The following HDAC9 variants were observed in gnomAD, a reference collection of about 807,000 sequenced individuals.
The protein encoded by HDAC9 is MEF-2 interacting transcription repressor (MITR) protein.
Under a neutral mutation model 139.4 loss-of-function variants are expected in HDAC9, and 41 were observed. The ratio of observed to expected loss-of-function variants is 0.29; its 90% CI spans 0.23 to 0.38. The LOEUF (loss-of-function observed/expected upper bound fraction) is 0.38, where lower values mean the gene tolerates loss of function less well. Among genes scored for constraint, HDAC9 ranks in the 10% least tolerant of loss-of-function variants. The probability of loss-of-function intolerance (pLI) is 1.00; values close to 1 mark genes in which losing one functional copy is unlikely to be tolerated. For missense variants in HDAC9, 1,147 were observed against 1,297.0 expected, an observed-to-expected ratio of 0.88 and a Z score of 1.78; for synonymous variants, 517 against 476.2, an observed-to-expected ratio of 1.09 and a Z score of -1.12.
intron 21 of HDAC9, among the ~76,000 whole-genome samples, chr7:18,874,002 T>A (rs879284118): frequency 0.022 from 941 of 43,124 alleles, 8 homozygotes; most frequent in African/African-American, 0.11. Flanking sequence ...TTTAAAAATG[T>A]TTTTTTTTTT....
chr7:18,815,798 A>G (rs943410688), intron 17 of HDAC9, among the ~76,000 whole-genome samples: 4 of 152,242 alleles, frequency 2.6e-5, no homozygotes, highest in Non-Finnish European at 5.9e-5. Flanking sequence ...GCTGGCTCAA[A>G]GAAACAAAAT....
intron 1 of HDAC9, among the ~76,000 whole-genome samples, chr7:18,375,655 C>G (rs891190740): frequency 6.6e-5 from 10 of 152,228 alleles, no homozygotes; most frequent in Non-Finnish European, 1.5e-4. Flanking sequence ...CCAGTGTGCT[C>G]TCATTTTTAG....
intron 2 of HDAC9, among the ~76,000 whole-genome samples, chr7:18,248,112 A>C (rs1056417934): frequency 1.1e-4 from 16 of 152,218 alleles, no homozygotes; most frequent in Non-Finnish European, 2.2e-4. Flanking sequence ...TGTATTATGT[A>C]TAACTTATTA....
chr7:18,270,905 A>T (rs1295981016), intron 2 of HDAC9, among the ~76,000 whole-genome samples: 1 of 152,142 alleles, frequency 6.6e-6, no homozygotes, highest in African/African-American at 2.4e-5. Context: ...AAGTTAACAA[A>T]ATTTTCCCTT....
intron 2 of HDAC9, among the ~76,000 whole-genome samples, chr7:18,183,157 C>T (rs1214975528): frequency 6.6e-6 from 1 of 152,026 alleles, no homozygotes; most frequent in Non-Finnish European, 1.5e-5. Flanking sequence ...CTACAGGTGC[C>T]TGCCACCACA....
chr7:18,267,305 T>A (rs1796067016), intron 2 of HDAC9, among the ~76,000 whole-genome samples: 1 of 152,184 alleles, frequency 6.6e-6, no homozygotes, highest in Non-Finnish European at 1.5e-5. Context: ...GCGAGAACAC[T>A]TAGGAATATT....
At chr7:18,715,109 G>T (rs895441982) in intron 12 of HDAC9, among the ~76,000 whole-genome samples, 15 of 151,910 alleles carry the variant, frequency 9.9e-5, no homozygotes, top group Non-Finnish European at 1.8e-4. Context: ...TTAAAGGTTT[G>T]GTTGTTGAGA....
chr7:18,807,561 G>A (rs1335632890), intron 17 of HDAC9, among the ~76,000 whole-genome samples: 4 of 151,870 alleles, frequency 2.6e-5, no homozygotes, highest in Admixed American at 2.6e-4. Flanking sequence ...GGTACTGTAG[G>A]CATTTATTGC....
At chr7:18,504,574 G>A (rs1250157255) in intron 2 of HDAC9, among the ~76,000 whole-genome samples, 1 of 152,172 alleles carries the variant, frequency 6.6e-6, no homozygotes, top group Non-Finnish European at 1.5e-5. Context: ...CAAACTGCTG[G>A]AATTATAGGC....
chr7:18,494,755 A>G (rs1024533694), upstream of HDAC9, among the ~76,000 whole-genome samples: 2 of 152,078 alleles, frequency 1.3e-5, no homozygotes, highest in African/African-American at 4.8e-5. Context: ...CGGGCAACCA[A>G]TGTATAGCTG....
chr7:18,468,187 G>A (rs1794447504), intron 1 of HDAC9, among the ~76,000 whole-genome samples: 1 of 152,062 alleles, frequency 6.6e-6, no homozygotes, highest in African/African-American at 2.4e-5. Flanking sequence ...CTCTTTAGAA[G>A]CAAGTCACTA....
At chr7:18,369,293 A>T (rs957499679) in intron 1 of HDAC9, among the ~76,000 whole-genome samples, 1 of 152,104 alleles carries the variant, frequency 6.6e-6, no homozygotes, top group Non-Finnish European at 1.5e-5. Flanking sequence ...CACTTAAAAA[A>T]TTCTTTTAGT....
chr7:18,358,943 G>A (rs915937753), intron 1 of HDAC9, among the ~76,000 whole-genome samples: 10 of 152,202 alleles, frequency 6.6e-5, no homozygotes, highest in Admixed American at 5.9e-4. Flanking sequence ...CAGATTAGGT[G>A]ATTTGCCATG....
chr7:18,544,191 A>G (rs938155901), intron 2 of HDAC9, among the ~76,000 whole-genome samples: 6 of 152,170 alleles, frequency 3.9e-5, no homozygotes, highest in African/African-American at 9.6e-5. Context: ...CTAGGTGACA[A>G]CACTGGAGGT....
At chr7:18,419,050 A>G (rs1020555181) in intron 1 of HDAC9, among the ~76,000 whole-genome samples, 8 of 152,112 alleles carry the variant, frequency 5.3e-5, no homozygotes, top group South Asian at 2.1e-4. Flanking sequence ...TGTCATCTTT[A>G]TATGTCCTTT....
At chr7:18,153,996 C>T (rs1786982785) in intron 1 of HDAC9, among the ~76,000 whole-genome samples, 1 of 152,128 alleles carries the variant, frequency 6.6e-6, no homozygotes, top group South Asian at 2.1e-4. Flanking sequence ...TGATATCCTT[C>T]CCAAAATAGA....
chr7:18,609,706 G>C (rs1053389494), intron 6 of HDAC9, among the ~76,000 whole-genome samples: 4 of 152,042 alleles, frequency 2.6e-5, no homozygotes, highest in African/African-American at 9.7e-5. Flanking sequence ...ATGTATACAT[G>C]TGCCATGTTG....
chr7:18,119,275 G>T (rs1187865240), intron 1 of HDAC9, among the ~76,000 whole-genome samples: 1 of 152,142 alleles, frequency 6.6e-6, no homozygotes, highest in Non-Finnish European at 1.5e-5. Flanking sequence ...ACTGTCACAT[G>T]CCTGTAATAC....
chr7:18,307,285 A>G (rs1331559885), intron 1 of HDAC9, among the ~76,000 whole-genome samples: 1 of 152,132 alleles, frequency 6.6e-6, no homozygotes. Flanking sequence ...CTGTTAATCC[A>G]TGAGTACAAA....
Sources: gnomAD v4.1 joint callset for allele counts (sites outside exome capture counted in the v4.1 genomes callset) on GRCh38, gnomAD v4.1.1 for gene constraint, MANE v1.5 for transcripts, NCBI Gene and HGNC (gene_info 2026-07-23, HGNC 2026-07-21) for gene names.